Variants in CATSPERB observed in about 807,000 individuals in gnomAD.
CATSPERB encodes the protein catsper channel auxiliary subunit beta, also known as cation channel sperm-associated auxiliary subunit beta.
Under a neutral mutation model 128.3 loss-of-function variants are expected in CATSPERB, and 93 were observed. The observed-to-expected ratio is 0.72, with a 90% CI of 0.61 to 0.86. CATSPERB has a LOEUF of 0.86. CATSPERB is among the 40% of genes least tolerant of loss of function. The pLI, the probability that CATSPERB is intolerant of heterozygous loss-of-function variation, is 0.00. For missense variants in CATSPERB, 1,153 were observed against 1,329.5 expected, an observed-to-expected ratio of 0.87 and a Z score of 2.06; for synonymous variants, 381 against 448.8, an observed-to-expected ratio of 0.85 and a Z score of 1.91.
intron 7 of CATSPERB, among the ~76,000 whole-genome samples, chr14:91,696,176 A>G (rs945933314): frequency 6.6e-6 from 1 of 152,254 alleles, no homozygotes; most frequent in African/African-American, 2.4e-5. Context: ...CATTACTGCC[A>G]TCAGACTGGA....
intron 1 of CATSPERB, among the ~76,000 whole-genome samples, 170 bp downstream of exon 1, chr14:91,731,760 A>T (rs1292588443): frequency 6.6e-6 from 1 of 152,018 alleles, no homozygotes. Flanking sequence ...GTATCTGGGC[A>T]TTTTCTCTTC....
At chr14:91,631,012 G>A (rs772181348) in intron 17 of CATSPERB, among the ~76,000 whole-genome samples, 4 of 152,092 alleles carry the variant, frequency 2.6e-5, no homozygotes, top group Non-Finnish European at 4.4e-5. Context: ...CTTTAGCCTG[G>A]AAAGCTCTTT....
At chr14:91,593,940 G>A (rs1343758715) in intron 22 of CATSPERB, among the ~76,000 whole-genome samples, 2 of 152,178 alleles carry the variant, frequency 1.3e-5, no homozygotes, top group Non-Finnish European at 2.9e-5. Flanking sequence ...CTATTCTCAT[G>A]ATAGTGAATA....
At chr14:91,651,206 G>C (rs923129046) in intron 15 of CATSPERB, among the ~76,000 whole-genome samples, 1 of 152,188 alleles carries the variant, frequency 6.6e-6, no homozygotes, top group South Asian at 2.1e-4. Flanking sequence ...GAAGGAGACA[G>C]AAGTTAAGGT....
chr14:91,627,200 T>C (rs1894179909), intron 17 of CATSPERB, among the ~76,000 whole-genome samples: 1 of 152,184 alleles, frequency 6.6e-6, no homozygotes, highest in African/African-American at 2.4e-5. Flanking sequence ...TCATTAGTAA[T>C]TGGTACCTTA....
intron 17 of CATSPERB, among the ~76,000 whole-genome samples, chr14:91,628,752 T>C (rs1894215935): frequency 6.6e-6 from 1 of 152,200 alleles, no homozygotes; most frequent in Non-Finnish European, 1.5e-5. Context: ...CAGTTTCAGG[T>C]ATTTCTTTAT....
chr14:91,637,762 C>T (rs1433741647), intron 16 of CATSPERB, among the ~76,000 whole-genome samples: 1 of 152,078 alleles, frequency 6.6e-6, no homozygotes, highest in East Asian at 1.9e-4. Flanking sequence ...ATGGCTTCGT[C>T]AAACTTGTCC....
intron 13 of CATSPERB, among the ~76,000 whole-genome samples, chr14:91,672,318 C>T (rs1370412316): frequency 1.3e-5 from 2 of 152,110 alleles, no homozygotes; most frequent in Admixed American, 1.3e-4. Context: ...CTGGATTTTG[C>T]TCTGTCACCT....
intron 4 of CATSPERB, 21 bp from the exon 5 acceptor site, chr14:91,719,499 G>A (rs1344203041): frequency 1.3e-6 from 2 of 1,591,306 alleles, no homozygotes; most frequent in South Asian, 2.2e-5. Flanking sequence ...GAAGACATCA[G>A]AAAACAATGT....
At chr14:91,696,613 T>C (rs1332315630) in intron 7 of CATSPERB, among the ~76,000 whole-genome samples, 1 of 151,670 alleles carries the variant, frequency 6.6e-6, no homozygotes, top group African/African-American at 2.4e-5. Context: ...AACAGAGAAG[T>C]GGAGATGGAA....
chr14:91,671,407 C>T (rs1331274672), intron 13 of CATSPERB, among the ~76,000 whole-genome samples: 4 of 152,048 alleles, frequency 2.6e-5, no homozygotes, highest in Admixed American at 2.6e-4. Context: ...AACCCCATCT[C>T]TACTAAAAAA....
chr14:91,630,376 G>A (rs936225020), intron 17 of CATSPERB, among the ~76,000 whole-genome samples: 1 of 152,106 alleles, frequency 6.6e-6, no homozygotes, highest in Non-Finnish European at 1.5e-5. Context: ...ATTGCCAAAT[G>A]CCAAGTTTCC....
chr14:91,706,232 A>G (rs1283610366), intron 6 of CATSPERB, among the ~76,000 whole-genome samples: 2 of 152,214 alleles, frequency 1.3e-5, no homozygotes, highest in Non-Finnish European at 2.9e-5. Flanking sequence ...ACAGCCAAGA[A>G]GGGAAAGAGA....
At chr14:91,592,171 T>C in intron 22 of CATSPERB, 169 bp from the exon 23 acceptor site, 1 of 613,174 alleles carries the variant, frequency 1.6e-6, no homozygotes, top group Non-Finnish European at 2.9e-6. Context: ...ACAGTATTTC[T>C]GAATTTTAGT....
At chr14:91,617,531 A>T in intron 20 of CATSPERB, 66 bp downstream of exon 20, 1 of 1,200,720 alleles carries the variant, frequency 8.3e-7, no homozygotes, top group Non-Finnish European at 1.2e-6. Context: ...ATTAAATATT[A>T]ATAATAGTTG....
At chr14:91,670,945 G>A (rs374129261) in intron 13 of CATSPERB, among the ~76,000 whole-genome samples, 1 of 152,138 alleles carries the variant, frequency 6.6e-6, no homozygotes. Flanking sequence ...AGAGGTTGCA[G>A]TGAGCCAAGA....
intron 18 of CATSPERB, among the ~76,000 whole-genome samples, 200 bp downstream of exon 18, chr14:91,624,620 G>A (rs542514584): frequency 3.4e-5 from 5 of 149,166 alleles, no homozygotes; most frequent in African/African-American, 7.4e-5. Flanking sequence ...CAGCCTGGGC[G>A]ATAGAGCGAG....
intron 22 of CATSPERB, chr14:91,605,279 G>A: frequency 9.3e-7 from 1 of 1,080,854 alleles, no homozygotes; most frequent in Non-Finnish European, 1.4e-6. Flanking sequence ...GGATGCGTTG[G>A]AGCAAGGCAG....
chr14:91,630,217 G>A (rs1014744463), intron 17 of CATSPERB, among the ~76,000 whole-genome samples: 3 of 152,122 alleles, frequency 2.0e-5, no homozygotes, highest in Admixed American at 2.0e-4. Context: ...ATTTTCCTGT[G>A]TTTTTTCTAC....
Sources: allele counts gnomAD v4.1 joint callset (sites outside exome capture counted in the v4.1 genomes callset), GRCh38; gene constraint gnomAD v4.1.1; transcripts MANE v1.5; gene names NCBI Gene and HGNC (gene_info 2026-07-23, HGNC 2026-07-21).